The following SIRPB1 variants were observed in gnomAD, a reference collection of about 807,000 sequenced individuals.
The protein encoded by SIRPB1 is signal regulatory protein beta 1, also known as signal-regulatory protein beta-1.
SIRPB1 carries 28 observed loss-of-function variants against 34.1 expected under a neutral mutation model. That is an observed-to-expected ratio of 0.82 (90% CI 0.61 to 1.12). SIRPB1 has a LOEUF of 1.12. Among genes scored for constraint, SIRPB1 ranks in the 50% most tolerant of loss-of-function variants. SIRPB1 has a pLI of 0.00. For synonymous variants in SIRPB1, 211 were observed against 203.8 expected (o/e 1.04, Z -0.30); for missense variants, 499 against 507.0 (o/e 0.98, Z 0.15).
chr20:1,573,329 C>T (rs1432548164), intron 2 of SIRPB1, among the ~76,000 whole-genome samples: 1 of 72,102 alleles, frequency 1.4e-5, no homozygotes, highest in African/African-American at 5.3e-5. Context: ...CAGGCCACAC[C>T]AACAGACAGA....
intron 3 of SIRPB1, 58 bp from the exon 4 acceptor site, chr20:1,571,195 G>T: frequency 1.3e-6 from 2 of 1,514,936 alleles, no homozygotes; most frequent in Non-Finnish European, 1.8e-6. Context: ...CACAGGGAGG[G>T]CTAAATAACG....
chr20:1,619,842 A>C, intron 1 of SIRPB1, 27 bp downstream of exon 1: 1 of 1,560,258 alleles, frequency 6.4e-7, no homozygotes, highest in East Asian at 2.2e-5. Context: ...GGCAGGAAAA[A>C]AGATTTTAAC....
chr20:1,576,599 C>T (rs1212591841), intron 2 of SIRPB1, among the ~76,000 whole-genome samples: 1 of 148,176 alleles, frequency 6.7e-6, no homozygotes, highest in Non-Finnish European at 1.5e-5. Flanking sequence ...ATGTTAAAAC[C>T]ACTGTCTTAA....
intron 1 of SIRPB1, chr20:1,588,431 C>T: frequency 3.8e-6 from 1 of 260,420 alleles, no homozygotes; most frequent in Non-Finnish European, 6.2e-6. Context: ...TCCATGATGT[C>T]CTGCTCTTAG....
At chr20:1,615,744 T>C (rs1022106536) in intron 1 of SIRPB1, among the ~76,000 whole-genome samples, 8 of 152,242 alleles carry the variant, frequency 5.3e-5, no homozygotes, top group Non-Finnish European at 1.2e-4. Context: ...TCTCATTTGA[T>C]GCAAAACAGC....
chr20:1,570,771 A>G, intron 4 of SIRPB1, 34 bp downstream of exon 4: 2 of 1,517,448 alleles, frequency 1.3e-6, no homozygotes, highest in Non-Finnish European at 1.8e-6. Context: ...CATTAAAGAA[A>G]AAGACAAAAT....
intron 3 of SIRPB1, 29 bp from the exon 4 acceptor site, chr20:1,571,166 T>C (rs1178029465): frequency 4.4e-6 from 7 of 1,593,526 alleles, no homozygotes; most frequent in South Asian, 1.1e-5. Context: ...GAAGCTCTGA[T>C]CTTGTGGCAC....
At chr20:1,570,717 A>G in intron 4 of SIRPB1, 88 bp downstream of exon 4, 1 of 1,082,976 alleles carries the variant, frequency 9.2e-7, no homozygotes, top group Non-Finnish European at 1.3e-6. Flanking sequence ...TTATATTTAT[A>G]GACTTCTAGC....
Position 1,565,401 on chromosome 20 carries a change from G to A in SIRPB1, c.*99C>T, listed in dbSNP as rs773232374. The A allele has an allele frequency of 5.2e-6, 1 of 192,470 alleles. No homozygotes were observed. The highest frequency in any genetic ancestry group is 1.0e-5 in the Non-Finnish European group (1 of 95,476). 11.9% of individuals were successfully genotyped at this position (192,470 alleles called of 1,614,324 possible). On this transcript the variant is annotated 3_prime_UTR_variant, in exon 6 of 6. Transcript: ENST00000381605. ...GTGGGCAGGCAGATGACCTGGGAGA[G>A]GAGGCGTTTGGAGCTGAGTGTGGGG...
At chr20:1,578,212 C>T in intron 2 of SIRPB1, 126 bp downstream of exon 2, 2 of 1,035,384 alleles carry the variant, frequency 1.9e-6, no homozygotes, top group Non-Finnish European at 2.9e-6. Context: ...GAAAGGGTGA[C>T]ATCAGTTCAT....
In SIRPB1 at chr20:1,606,438, T is replaced by C. The variant is rs2122284912; in HGVS notation, c.76+13431A>G. 1.8e-4 allele frequency among the ~76,000 whole-genome samples: 2 copies of C among 10,980 alleles called. 1 individual carries two copies. Among genetic ancestry groups the C allele is most frequent in the Non-Finnish European group, 3.2e-4 (2 of 6,274 alleles). 7.2% of individuals were successfully genotyped at this position (10,980 alleles called of 152,430 possible). On this transcript the variant is annotated intron_variant, in intron 1 of 5. Transcript: ENST00000381605. ...AACGAGTGCAGTTTCTCCATGTAGA[T>C]GAATTTTAAGGGTGTCTGCAAATTG...
At chr20:1,566,119 A>G in intron 5 of SIRPB1, 34 bp downstream of exon 5, 2 of 1,412,096 alleles carry the variant, frequency 1.4e-6, no homozygotes, top group Non-Finnish European at 2.0e-6. Flanking sequence ...TTTCTGGAGG[A>G]GCCCTTGGTC....
intron 4 of SIRPB1, among the ~76,000 whole-genome samples, chr20:1,566,742 A>G (rs2091143118): frequency 6.6e-6 from 1 of 152,134 alleles, no homozygotes; most frequent in Non-Finnish European, 1.5e-5. Flanking sequence ...AATGATTAGT[A>G]AAGGGTGGGC....
At position 1,573,109 on chromosome 20, in the gene SIRPB1, C is replaced by T. The variant is rs1001158200; in HGVS notation, c.434-1072G>A. On this transcript the variant is annotated intron_variant, in intron 2 of 5. Transcript: ENST00000381605. ...CACCTCTTTATCTTTCAGATAAATG[C>T]TATTTCCTTTGGCCTTCCTAACAAT... is the stretch of plus-strand genomic sequence containing the variant. 1.4e-3 allele frequency among the ~76,000 whole-genome samples: 199 copies of T among 141,512 alleles called. 6 individuals are homozygous for T. Among genetic ancestry groups the T allele is most frequent in the Non-Finnish European group, 2.2e-3 (141 of 63,624 alleles). 92.8% of individuals were successfully genotyped at this position (141,512 alleles called of 152,430 possible). A position where few individuals can be genotyped will look rare whatever the true frequency, so the allele number is the denominator to read the frequency against.
intron 4 of SIRPB1, 96 bp downstream of exon 4, chr20:1,570,709 A>G (rs557511105): frequency 9.7e-7 from 1 of 1,033,754 alleles, no homozygotes; most frequent in South Asian, 1.6e-5. Flanking sequence ...ATTCTACTTT[A>G]TATTTATAGA....
At chr20:1,618,816 A>G (rs1020400322) in intron 1 of SIRPB1, among the ~76,000 whole-genome samples, 2 of 152,162 alleles carry the variant, frequency 1.3e-5, no homozygotes, top group Non-Finnish European at 2.9e-5. Flanking sequence ...CTGTCTTGGG[A>G]AGGGGAAAGA....
chr20:1,567,290 T>C (rs368663844), intron 4 of SIRPB1, among the ~76,000 whole-genome samples: 2 of 152,122 alleles, frequency 1.3e-5, no homozygotes, highest in African/African-American at 4.8e-5. Flanking sequence ...ACATGAGAGA[T>C]AGACTGCATT....
chr20:1,618,288 G>A (rs2091660142), intron 1 of SIRPB1, among the ~76,000 whole-genome samples: 2 of 152,188 alleles, frequency 1.3e-5, no homozygotes, highest in African/African-American at 4.8e-5. Flanking sequence ...TTACTTCCCT[G>A]CATTTTCTAA....
chr20:1,617,033 A>G (rs1016565275), intron 1 of SIRPB1, among the ~76,000 whole-genome samples: 4 of 152,208 alleles, frequency 2.6e-5, no homozygotes, highest in Admixed American at 1.3e-4. Flanking sequence ...TATAAAAAAG[A>G]TGATAACTAG....
Sources: allele counts gnomAD v4.1 joint callset (sites outside exome capture counted in the v4.1 genomes callset), GRCh38; gene constraint gnomAD v4.1.1; transcripts MANE v1.5; gene names NCBI Gene and HGNC (gene_info 2026-07-23, HGNC 2026-07-21).